Variants in PCDHGA1 observed in about 807,000 individuals in gnomAD.
PCDHGA1 encodes the protein protocadherin gamma-A1.
Under a neutral mutation model 58.0 loss-of-function variants are expected in PCDHGA1, and 32 were observed. The observed-to-expected ratio is 0.55, with a 90% CI of 0.42 to 0.74. The LOEUF (loss-of-function observed/expected upper bound fraction) is 0.74, where lower values mean the gene tolerates loss of function less well. Ranked by LOEUF, PCDHGA1 falls within the 30% of genes least tolerant of loss-of-function variation. The pLI, the probability that PCDHGA1 is intolerant of heterozygous loss-of-function variation, is 0.00. For synonymous variants in PCDHGA1, 498 were observed against 501.1 expected (o/e 0.99, Z 0.08); for missense variants, 1,205 against 1,182.3 (o/e 1.02, Z -0.28).
chr5:141,433,642 C>A (rs1457700205), intron 1 of PCDHGA1, among the ~76,000 whole-genome samples: 2 of 152,170 alleles, frequency 1.3e-5, no homozygotes, highest in South Asian at 2.1e-4. Context: ...TTGAGACCAG[C>A]CTGACCAACA....
intron 2 of PCDHGA1, among the ~76,000 whole-genome samples, chr5:141,504,563 C>G (rs1036149640): frequency 3.3e-5 from 5 of 149,436 alleles, no homozygotes; most frequent in African/African-American, 1.2e-4. Context: ...GACTGGCATT[C>G]TAGGGAACAC....
rs576318312 is a variant in PCDHGA1, at chr5:141,410,171, A to G, written c.2421+77066A>G. On this transcript the variant is annotated intron_variant, in intron 1 of 3. Coordinates refer to ENST00000517417, the MANE Select transcript of PCDHGA1 (RefSeq NM_018912.3). ...CGGTGGACAGCCGCCACTCTCTGCCACCGCCACGCTTCATCTGGTCTTCGC... is the reference window on the plus strand; with the variant it reads ...CGGTGGACAGCCGCCACTCTCTGCCGCCGCCACGCTTCATCTGGTCTTCGC... 181 of 1,613,780 alleles carry G rather than the reference A, an allele frequency of 1.1e-4. 1 individual carries two copies. The East Asian group carries it at 4.0e-3, about 36-fold the overall frequency.
At chr5:141,409,954 C>T (rs774233531) in intron 1 of PCDHGA1, 3 of 1,613,356 alleles carry the variant, frequency 1.9e-6, no homozygotes, top group South Asian at 1.1e-5. Flanking sequence ...CTGCAGAGCC[C>T]GGCTACCTAG....
Position 141,415,740 on chromosome 5 carries a change from G to GTTTTTT in PCDHGA1, c.2422-79040_2422-79035dup, listed in dbSNP as rs57426385. ...TGAGTAGAATTTGATGTTTATTAAGGTTTTTTTTTTTTTTTTTTTTTTTTT... is the reference window on the plus strand; with the variant it reads ...TGAGTAGAATTTGATGTTTATTAAGGTTTTTTTTTTTTTTTTTTTTTTTTTTTTTTT... On this transcript the variant is annotated intron_variant, in intron 1 of 3. Transcript: ENST00000517417. 6.6e-4 allele frequency: 412 copies of GTTTTTT among 624,836 alleles called. 3 individuals carry two copies. The highest frequency in any genetic ancestry group is 1.2e-3 in the African/African-American group (49 of 39,912). The allele number at this position is 624,836 out of a possible 1,614,324, so 38.7% of individuals were successfully genotyped here.
intron 1 of PCDHGA1, among the ~76,000 whole-genome samples, chr5:141,405,659 G>A (rs867774573): frequency 2.0e-5 from 3 of 152,106 alleles, no homozygotes; most frequent in Non-Finnish European, 4.4e-5. Flanking sequence ...TGTGTTTTTA[G>A]TAGAGACGGG....
chr5:141,415,007 G>C, intron 1 of PCDHGA1: 1 of 1,613,654 alleles, frequency 6.2e-7, no homozygotes, highest in Non-Finnish European at 8.5e-7. Context: ...CTGTCCTACC[G>C]TCTGCTCAAG....
chr5:141,399,833 C>T (rs1233031581), intron 1 of PCDHGA1: 1 of 1,613,140 alleles, frequency 6.2e-7, no homozygotes, highest in Non-Finnish European at 8.5e-7. Context: ...GACGGCTCTG[C>T]GCTCTTCGAT....
At chr5:141,445,268 C>A (rs2098461653) in intron 1 of PCDHGA1, among the ~76,000 whole-genome samples, 1 of 152,170 alleles carries the variant, frequency 6.6e-6, no homozygotes, top group Non-Finnish European at 1.5e-5. Flanking sequence ...TAAGTCGAAA[C>A]CACTCTGCAT....
chr5:141,357,115 A>C, intron 1 of PCDHGA1: 3 of 1,613,802 alleles, frequency 1.9e-6, no homozygotes, highest in Non-Finnish European at 2.5e-6. Context: ...AGACGCGCTC[A>C]AGCAGAGGCT....
intron 1 of PCDHGA1, chr5:141,417,260 G>A (rs1362206061): frequency 1.3e-5 from 2 of 152,174 alleles, no homozygotes; most frequent in Non-Finnish European, 2.9e-5. Context: ...CAGCTTCATA[G>A]ATAATTACTC....
intron 1 of PCDHGA1, among the ~76,000 whole-genome samples, chr5:141,455,250 A>C (rs1016027355): frequency 2.0e-5 from 3 of 152,172 alleles, no homozygotes; most frequent in Non-Finnish European, 2.9e-5. Flanking sequence ...GTCATAGTAC[A>C]ATCGCATTTC....
intron 1 of PCDHGA1, chr5:141,362,189 A>G (rs745893208): frequency 5.6e-6 from 9 of 1,613,796 alleles, no homozygotes; most frequent in Non-Finnish European, 3.4e-6. Context: ...TCTGACCCCC[A>G]GGCAAAACTG....
At chr5:141,361,363 C>G in intron 1 of PCDHGA1, 1 of 1,614,002 alleles carries the variant, frequency 6.2e-7, no homozygotes, top group South Asian at 1.1e-5. Context: ...AGACGGCGCT[C>G]TGGACCGGGA....
chr5:141,487,749 A>G lies in PCDHGA1; in HGVS notation c.2422-7058A>G, dbSNP rs574710316. 3.9e-5 allele frequency: 60 copies of G among 1,557,180 alleles called. No homozygotes were observed. The African/African-American group carries it at 5.6e-4, about 14-fold the overall frequency. ...GTCACCATTTTTGTAAGAGGTAACT[A>G]TGTGGTAGACGCTGTGCTTTGTAAC... is the stretch of plus-strand genomic sequence containing the variant. On this transcript the variant is annotated intron_variant, in intron 1 of 3. Coordinates refer to ENST00000517417, the MANE Select transcript of PCDHGA1 (RefSeq NM_018912.3). The surrounding 1 kb of genome is among the most constrained non-coding windows in gnomAD (Gnocchi z 5.0).
chr5:141,343,546 G>A (rs1757296331), intron 1 of PCDHGA1, among the ~76,000 whole-genome samples: 1 of 152,144 alleles, frequency 6.6e-6, no homozygotes, highest in Admixed American at 6.5e-5. Context: ...TTCTTAAACT[G>A]AACAATTCAA....
intron 1 of PCDHGA1, among the ~76,000 whole-genome samples, chr5:141,337,428 T>C (rs1293055463): frequency 6.6e-6 from 1 of 152,234 alleles, no homozygotes; most frequent in Non-Finnish European, 1.5e-5. Flanking sequence ...TACAATGGGC[T>C]GTTATTTAGC....
chr5:141,350,855 A>G, intron 1 of PCDHGA1: 5 of 1,614,090 alleles, frequency 3.1e-6, no homozygotes, highest in Non-Finnish European at 4.2e-6. Context: ...ACCTCTAGAC[A>G]GGGAACATCA....
At chr5:141,506,969 A>G (rs923725359) in intron 3 of PCDHGA1, 7 of 152,208 alleles carry the variant, frequency 4.6e-5, no homozygotes, top group Non-Finnish European at 8.8e-5. Flanking sequence ...ATAGCTCTGC[A>G]AGGCAGGTCT....
Position 141,489,517 on chromosome 5 carries a change from G to C in PCDHGA1, c.2422-5290G>C. The C allele has an allele frequency of 6.2e-7, 1 of 1,614,136 alleles. No individual in the cohort carries two copies. Among genetic ancestry groups the C allele is most frequent in the Non-Finnish European group, 8.5e-7 (1 of 1,180,044 alleles). On this transcript the variant is annotated intron_variant, in intron 1 of 3. Transcript: ENST00000517417. The surrounding 1 kb of genome is among the most constrained non-coding windows in gnomAD (Gnocchi z 4.5). ...GGCAGTGAATCAAAAGATTGACCGA[G>C]AAAGCCTATGTGGAGCCAGCACCAG...
Sources: gnomAD v4.1 joint callset for allele counts (sites outside exome capture counted in the v4.1 genomes callset) on GRCh38, gnomAD v4.1.1 for gene constraint, Gnocchi (gnomAD v3.1) non-coding constraint, MANE v1.5 for transcripts, NCBI Gene and HGNC (gene_info 2026-07-23, HGNC 2026-07-21) for gene names.